NRG3: variants seen among roughly 807,000 people sequenced by gnomAD.
NRG3 encodes the protein pro-neuregulin-3, membrane-bound isoform.
A neutral mutation model predicts 66.9 loss-of-function variants in NRG3; 31 were observed. The observed-to-expected ratio is 0.46, with a 90% CI of 0.35 to 0.63. The LOEUF is 0.63. NRG3 is among the 20% of genes least tolerant of loss of function. The pLI is 0.00. For synonymous variants in NRG3, 393 were observed against 359.4 expected (o/e 1.09, Z -1.06); for missense variants, 910 against 878.9 (o/e 1.04, Z -0.45).
At position 82,088,691 on chromosome 10, in the gene NRG3, T is replaced by G. The variant is rs1008954916; in HGVS notation, c.823+212528T>G. Among the ~76,000 whole-genome samples the G allele has an allele frequency of 2.0e-5, 3 of 152,128 alleles. No homozygotes were observed. The East Asian group carries it at 5.8e-4, about 29-fold the overall frequency. On this transcript the variant is annotated intron_variant, in intron 1 of 8. Transcript: ENST00000372141. ...GACTATACAAAGTTTTAAAACTTTATCTCCCTCAGCTCGGTATTTAATAGA... is the reference window on the plus strand; with the variant it reads ...GACTATACAAAGTTTTAAAACTTTAGCTCCCTCAGCTCGGTATTTAATAGA...
At chr10:82,953,270 C>T (rs1416567561) in intron 5 of NRG3, among the ~76,000 whole-genome samples, 1 of 151,950 alleles carries the variant, frequency 6.6e-6, no homozygotes, top group Non-Finnish European at 1.5e-5. Flanking sequence ...CTGCATTTTT[C>T]AAATAATACC....
At chr10:82,902,107 A>G (rs577434050) in intron 4 of NRG3, among the ~76,000 whole-genome samples, 2 of 152,290 alleles carry the variant, frequency 1.3e-5, no homozygotes, top group Non-Finnish European at 1.5e-5. Context: ...TATTTCATAT[A>G]CTATGTACAT....
intron 3 of NRG3, among the ~76,000 whole-genome samples, chr10:82,770,651 A>T (rs909054810): frequency 2.6e-5 from 4 of 152,122 alleles, no homozygotes; most frequent in African/African-American, 9.7e-5. Flanking sequence ...CAATTTAAAC[A>T]TATTCCAGGT....
At position 82,194,838 on chromosome 10, in the gene NRG3, A is replaced by G. The variant is rs149932424; in HGVS notation, c.824-163901A>G. Among the ~76,000 whole-genome samples the G allele has an allele frequency of 1.0e-3, 158 of 152,294 alleles. 1 individual carries two copies. Among genetic ancestry groups the G allele is most frequent in the Middle Eastern group, 3.4e-3 (1 of 294 alleles). ...GCCGCTTGCGAAAGACCTCGTATCA[A>G]GAAAGACTAAGGAAGACATATAGGT... On this transcript the variant is annotated intron_variant, in intron 1 of 8. Transcript: ENST00000372141.
At chr10:82,282,239 G>T (rs11598893) in intron 1 of NRG3, among the ~76,000 whole-genome samples, 15,487 of 149,278 alleles carry the variant, frequency 0.1, 999 homozygotes, top group Non-Finnish European at 0.15. Context: ...TTTTAATTTT[G>T]AAAACATTAC....
At chr10:82,153,403 GTATTCCAT>G (rs926310585) in intron 1 of NRG3, among the ~76,000 whole-genome samples, 3 of 127,530 alleles carry the variant, frequency 2.4e-5, no homozygotes, top group Non-Finnish European at 4.8e-5. Context: ...AGGCTATATA[GTATTCCAT>G]TGTGTGTGTG....
At chr10:81,944,763 A>T (rs984342301) in intron 1 of NRG3, among the ~76,000 whole-genome samples, 3 of 152,250 alleles carry the variant, frequency 2.0e-5, no homozygotes, top group Non-Finnish European at 2.9e-5. Context: ...ACTTCTACGT[A>T]TCCTGAGCTC....
At chr10:82,807,963 A>G (rs897791351) in intron 3 of NRG3, among the ~76,000 whole-genome samples, 3 of 152,104 alleles carry the variant, frequency 2.0e-5, no homozygotes, top group African/African-American at 7.2e-5. Context: ...GTCTCCTCTC[A>G]CAGACAATTT....
chr10:82,402,045 C>T (rs1052427066), intron 2 of NRG3, among the ~76,000 whole-genome samples: 1 of 151,708 alleles, frequency 6.6e-6, no homozygotes, highest in Non-Finnish European at 1.5e-5. Flanking sequence ...TATGATAAAA[C>T]CTCATTATTA....
intron 1 of NRG3, among the ~76,000 whole-genome samples, chr10:82,027,334 A>G (rs1482032835): frequency 6.6e-6 from 1 of 152,104 alleles, no homozygotes; most frequent in Admixed American, 6.6e-5. Flanking sequence ...TTTGGTGGTA[A>G]GTGAAGCCAT....
At chr10:82,428,171 A>G (rs1293868370) in intron 2 of NRG3, among the ~76,000 whole-genome samples, 24 of 151,714 alleles carry the variant, frequency 1.6e-4, no homozygotes, top group Admixed American at 1.4e-3. Context: ...GAGTTTCTCT[A>G]TATTTTTAGT....
chr10:82,565,731 T>C (rs909098246), intron 2 of NRG3, among the ~76,000 whole-genome samples: 4 of 152,058 alleles, frequency 2.6e-5, no homozygotes, highest in African/African-American at 9.7e-5. Flanking sequence ...ATGATTTGGT[T>C]TGGGCCGTAT....
chr10:82,536,148 C>A (rs1048254971), intron 2 of NRG3, among the ~76,000 whole-genome samples: 7 of 152,110 alleles, frequency 4.6e-5, no homozygotes, highest in Admixed American at 4.6e-4. Context: ...AATTGATCAG[C>A]CTTTCTGTGT....
chr10:82,635,820 G>T (rs754491368), intron 2 of NRG3, among the ~76,000 whole-genome samples: 1 of 152,176 alleles, frequency 6.6e-6, no homozygotes, highest in Non-Finnish European at 1.5e-5. Flanking sequence ...GATTGTTGGT[G>T]CTGGGCAGGG....
rs559241285 is a variant in NRG3, at chr10:82,865,919, T to C, written c.1054+482T>C. Among the ~76,000 whole-genome samples, 3 of 152,266 alleles carry C rather than the reference T, an allele frequency of 2.0e-5. No individual in the cohort carries two copies. In the South Asian group the frequency reaches 6.2e-4, roughly 32 times the overall value. On this transcript the variant is annotated intron_variant, in intron 4 of 8. Transcript: ENST00000372141. Reference sequence around the variant, plus strand: ...GATACATTTTGGTATCAATTTTAGTTTGGAGTGTGGGCTATTAAACATTTT... The same window carrying C: ...GATACATTTTGGTATCAATTTTAGTCTGGAGTGTGGGCTATTAAACATTTT...
chr10:82,448,608 A>G (rs957320340), intron 2 of NRG3, among the ~76,000 whole-genome samples: 8 of 152,188 alleles, frequency 5.3e-5, no homozygotes, highest in African/African-American at 1.7e-4. Flanking sequence ...ATTCTCTCCC[A>G]CAAATGGCTG....
intron 1 of NRG3, among the ~76,000 whole-genome samples, chr10:82,078,126 A>T (rs995243793): frequency 2.2e-4 from 34 of 151,900 alleles, no homozygotes; most frequent in Admixed American, 7.9e-4. Flanking sequence ...TTAAAAAAAA[A>T]TTTTTTTTAA....
rs1460855975 is a variant in NRG3, at chr10:82,599,053, AAAGAAAAAAAAG to A, written c.954-139517_954-139506del. 2.0e-5 allele frequency among the ~76,000 whole-genome samples: 3 copies of A among 152,250 alleles called. No homozygotes were observed. The East Asian group carries it at 5.8e-4, about 29-fold the overall frequency. On this transcript the variant is annotated intron_variant, in intron 2 of 8. Transcript: ENST00000372141. ...CAACAAAGGGAGACTCCATCTCAAA[AAAGAAAAAAAAG>A]AAGAAAGAAAATGATGAGAAGAAGA...
chr10:82,708,238 A>G (rs1416621054), intron 2 of NRG3, among the ~76,000 whole-genome samples: 3 of 151,984 alleles, frequency 2.0e-5, no homozygotes, highest in Non-Finnish European at 2.9e-5. Context: ...GTTTTGTATG[A>G]TATATCCCTT....
Sources: gnomAD v4.1 joint callset for allele counts (sites outside exome capture counted in the v4.1 genomes callset) on GRCh38, gnomAD v4.1.1 for gene constraint, MANE v1.5 for transcripts, NCBI Gene and HGNC (gene_info 2026-07-23, HGNC 2026-07-21) for gene names.